Variants in RIPK2 observed in about 807,000 individuals in gnomAD.
The protein encoded by RIPK2 is receptor-interacting serine/threonine-protein kinase 2.
Under a neutral mutation model 60.9 loss-of-function variants are expected in RIPK2, and 38 were observed. The observed-to-expected ratio is 0.62, with a 90% CI of 0.48 to 0.82. The LOEUF is 0.82. Ranked by LOEUF, RIPK2 falls within the 40% of genes least tolerant of loss-of-function variation. The pLI, the probability that RIPK2 is intolerant of heterozygous loss-of-function variation, is 0.00. For synonymous variants in RIPK2, 225 were observed against 223.4 expected (o/e 1.01, Z -0.06); for missense variants, 518 against 647.0 (o/e 0.80, Z 2.16).
At chr8:89,770,460 C>T (rs1277187835) in intron 4 of RIPK2, among the ~76,000 whole-genome samples, 2 of 151,684 alleles carry the variant, frequency 1.3e-5, no homozygotes, top group Non-Finnish European at 3.0e-5. Flanking sequence ...TCTCATAATG[C>T]AGTAATAAGC....
At position 89,761,153 on chromosome 8, in the gene RIPK2, T is replaced by C. The variant is rs557498670; in HGVS notation, c.174-1676T>C. 3.3e-5 allele frequency among the ~76,000 whole-genome samples: 5 copies of C among 152,288 alleles called. No individual in the cohort carries two copies. In the South Asian group the frequency reaches 1.0e-3, roughly 32 times the overall value. ...TGACGAAGATTCTTTTGCTTTGTTT[T>C]TTTGTTTGTTTTTAAAAGTAGTCCT... On this transcript the variant is annotated intron_variant, in intron 1 of 10. Coordinates refer to ENST00000220751, the MANE Select transcript of RIPK2 (RefSeq NM_003821.6).
Position 89,758,055 on chromosome 8 carries a change from G to A in RIPK2, c.-6G>A, listed in dbSNP as rs753431116. The A allele has an allele frequency of 6.3e-7, 1 of 1,588,504 alleles. No homozygotes were observed. The highest frequency in any genetic ancestry group is 8.6e-7 in the Non-Finnish European group (1 of 1,167,382). On this transcript the variant is annotated 5_prime_UTR_variant, in exon 1 of 11. Transcript: ENST00000220751. Reference sequence around the variant, plus strand: ...ACACCCGGAACCGGCCTGAGCGCCCGGGACCATGAACGGGGAGGCCATCTG... The same window carrying A: ...ACACCCGGAACCGGCCTGAGCGCCCAGGACCATGAACGGGGAGGCCATCTG...
intron 1 of RIPK2, among the ~76,000 whole-genome samples, chr8:89,759,862 G>C (rs940937627): frequency 2.0e-5 from 3 of 152,214 alleles, no homozygotes; most frequent in Non-Finnish European, 4.4e-5. Context: ...TGCTTCTCAG[G>C]ATTTTGATTT....
rs201993993 is a variant in RIPK2 at position 89,790,132 on chromosome 8, A to G, written c.1339A>G (p.Ile447Val). The change falls in exon 11 of 11, where the codon ATT becomes GTT. Residue 447 changes from isoleucine to valine, a missense_variant. This residue lies in a region of RIPK2 where 29 missense variants were observed against 68.6 expected (regional missense o/e 0.42). Coordinates refer to ENST00000220751, the MANE Select transcript of RIPK2 (RefSeq NM_003821.6). ...QQWIQSKRED[I>V]VNQMTEACLN... ...GTGGATCCAGAGCAAAAGGGAAGAC[A>G]TTGTGAACCAAATGACAGAAGCCTG... 1 of 1,614,058 alleles carries G rather than the reference A, an allele frequency of 6.2e-7. No individual in the cohort carries two copies. Among genetic ancestry groups the G allele is most frequent in the African/African-American group, 1.3e-5 (1 of 74,922 alleles).
chr8:89,789,414 T>A lies in RIPK2; in HGVS notation c.1217T>A (p.Phe406Tyr). ...STISGSQRAAFCDHKTTPCSS... is the reference protein window; with the variant it reads ...STISGSQRAAYCDHKTTPCSS... ...ATTTCTGGATCTCAAAGGGCTGCAT[T>A]CTGTGATCACAAGACCACTCCATGC... The change falls in exon 10 of 11, where the codon TTC becomes TAC. Residue 406 changes from phenylalanine (F) to tyrosine (Y), a missense_variant. This residue lies in a region of RIPK2 where 448 missense variants were observed against 534.7 expected (regional missense o/e 0.84). Transcript: ENST00000220751. 1.2e-6 allele frequency: 2 copies of A among 1,614,118 alleles called. No individual in the cohort carries two copies. Among genetic ancestry groups the A allele is most frequent in the Non-Finnish European group, 1.7e-6 (2 of 1,179,984 alleles).
chr8:89,779,316 T>TG (rs1554598405), intron 6 of RIPK2, among the ~76,000 whole-genome samples: 2 of 126,324 alleles, frequency 1.6e-5, no homozygotes, highest in Non-Finnish European at 3.3e-5. Flanking sequence ...TTGGGTTTTT[T>TG]TTTTTTTTTT....
chr8:89,770,389 C>T (rs1411690373), intron 4 of RIPK2, among the ~76,000 whole-genome samples: 1 of 151,812 alleles, frequency 6.6e-6, no homozygotes, highest in Non-Finnish European at 1.5e-5. Context: ...ATTTTTTATA[C>T]AACAAATCAA....
intron 3 of RIPK2, among the ~76,000 whole-genome samples, chr8:89,766,415 T>C (rs1047611917): frequency 6.6e-6 from 1 of 151,856 alleles, no homozygotes; most frequent in African/African-American, 2.4e-5. Context: ...CCAACTATTT[T>C]CCAGAGTGGC....
At chr8:89,772,065 T>G (rs1371161930) in intron 5 of RIPK2, among the ~76,000 whole-genome samples, 5 of 152,022 alleles carry the variant, frequency 3.3e-5, no homozygotes, top group Non-Finnish European at 7.4e-5. Flanking sequence ...AGCTCTGTGA[T>G]CAAGTCACAA....
chr8:89,769,734 G>T (rs200188764), intron 3 of RIPK2, 38 bp from the exon 4 acceptor site: 2 of 1,452,308 alleles, frequency 1.4e-6, no homozygotes, highest in East Asian at 2.6e-5. Context: ...ACTTTTTAAA[G>T]AGGAAATTTC....
At chr8:89,777,836 G>C (rs1809424399) in intron 6 of RIPK2, among the ~76,000 whole-genome samples, 1 of 151,988 alleles carries the variant, frequency 6.6e-6, no homozygotes, top group African/African-American at 2.4e-5. Context: ...TAAGGCTCTG[G>C]TGTATATTGG....
chr8:89,763,704 C>A (rs1809181672), intron 2 of RIPK2, among the ~76,000 whole-genome samples: 1 of 152,030 alleles, frequency 6.6e-6, no homozygotes, highest in African/African-American at 2.4e-5. Flanking sequence ...TAACACAATG[C>A]CCTGTAAGTG....
intron 7 of RIPK2, chr8:89,780,641 C>A (rs2130576250): frequency 6.6e-6 from 1 of 151,886 alleles, no homozygotes; most frequent in South Asian, 2.1e-4. Flanking sequence ...TTTTAATGTA[C>A]ATTTATTTTC....
chr8:89,785,060 A>G (rs541852976), intron 8 of RIPK2, among the ~76,000 whole-genome samples: 1 of 152,314 alleles, frequency 6.6e-6, no homozygotes, highest in South Asian at 2.1e-4. Flanking sequence ...ACCTCCCATT[A>G]AGCCCCACCT....
chr8:89,770,653 A>G (rs965003325), intron 4 of RIPK2, among the ~76,000 whole-genome samples: 1 of 151,240 alleles, frequency 6.6e-6, no homozygotes, highest in African/African-American at 2.4e-5. Context: ...AGTCCTTTAA[A>G]TGGCTTTTTG....
At chr8:89,764,058 T>C (rs776431566) in intron 2 of RIPK2, among the ~76,000 whole-genome samples, 3 of 152,092 alleles carry the variant, frequency 2.0e-5, no homozygotes, top group Non-Finnish European at 4.4e-5. Flanking sequence ...AATCATAAAA[T>C]ATACAGTGAG....
At chr8:89,780,592 G>T (rs1809482015) in intron 7 of RIPK2, 1 of 151,826 alleles carries the variant, frequency 6.6e-6, no homozygotes, top group South Asian at 2.0e-4. Context: ...ACAGCCAGTT[G>T]TGTACAATGA....
intron 6 of RIPK2, among the ~76,000 whole-genome samples, chr8:89,779,309 G>GGTT: frequency 3.7e-5 from 2 of 54,078 alleles, no homozygotes; most frequent in African/African-American, 2.3e-4. Flanking sequence ...GCGGTTTTTG[G>GGTT]GTTTTTTTTT....
intron 6 of RIPK2, among the ~76,000 whole-genome samples, chr8:89,776,147 T>C (rs1359431667): frequency 6.6e-6 from 1 of 152,140 alleles, no homozygotes; most frequent in Non-Finnish European, 1.5e-5. Flanking sequence ...ACTGCAAAGG[T>C]ACCAAATAAG....
Sources: gnomAD v4.1 joint callset for allele counts (sites outside exome capture counted in the v4.1 genomes callset) on GRCh38, gnomAD v4.1.1 for gene constraint, gnomAD v4.1.1 regional missense constraint, MANE v1.5 for transcripts, NCBI Gene and HGNC (gene_info 2026-07-23, HGNC 2026-07-21) for gene names.